Variants in TRPM2 observed in about 807,000 individuals in gnomAD.
TRPM2 encodes the protein estrogen-responsive element-associated gene 1 protein.
A neutral mutation model predicts 174.0 loss-of-function variants in TRPM2; 161 were observed. The observed-to-expected ratio is 0.93, with a 90% confidence interval of 0.81 to 1.05. TRPM2 has a LOEUF of 1.05. TRPM2 is among the 50% of genes least tolerant of loss of function. The probability of loss-of-function intolerance (pLI) is 0.00; values close to 1 mark genes in which losing one functional copy is unlikely to be tolerated. For missense variants in TRPM2, 2,057 were observed against 2,038.0 expected, an observed-to-expected ratio of 1.01 and a Z score of -0.18; for synonymous variants, 954 against 861.3, an observed-to-expected ratio of 1.11 and a Z score of -1.88.
At chr21:44,415,190 C>G (rs541045179) in intron 20 of TRPM2, 49 of 152,390 alleles carry the variant, frequency 3.2e-4, no homozygotes, top group African/African-American at 1.1e-3. Context: ...ACACACGTGT[C>G]CACCTCCTCT....
chr21:44,423,589 C>T lies in TRPM2; in HGVS notation c.3462-56C>T, dbSNP rs368126734. ...CAGGGCTGTCTGCAGAGCGGTGTGG[C>T]GTTCCCAGGGCCCCAAGGTGTGGTG... On this transcript the variant is annotated intron_variant, in intron 22 of 31. Transcript: ENST00000397928. The T allele has an allele frequency of 1.5e-4, 227 of 1,485,570 alleles. No homozygotes were observed. The African/African-American group carries it at 2.5e-3, about 17-fold the overall frequency. The allele number at this position is 1,485,570 out of a possible 1,614,324, so 92.0% of individuals were successfully genotyped here.
At chr21:44,379,921 G>C (rs1602171989) in intron 8 of TRPM2, among the ~76,000 whole-genome samples, 3 of 152,332 alleles carry the variant, frequency 2.0e-5, no homozygotes, top group African/African-American at 7.2e-5. Flanking sequence ...CCCTCTGTCT[G>C]TGTCTTTCCT....
chr21:44,437,134 G>A lies in TRPM2; in HGVS notation c.4134G>A (p.Lys1378=), dbSNP rs542379691. 3 of 1,551,396 alleles carry A rather than the reference G, an allele frequency of 1.9e-6. No homozygotes were observed. Among genetic ancestry groups the A allele is most frequent in the Non-Finnish European group, 2.6e-6 (3 of 1,146,898 alleles). The change falls in exon 29 of 32, where the codon AAG becomes AAA. Residue 1378 remains lysine, a synonymous_variant. Transcript: ENST00000397928. ...AGATGCTGGAAGTGCTGGTGGTGAA[G>A]CTCCCTCTCTCCGAGCACTGGGCCC... ...IKKMLEVLVV[K]LPLSEHWALP...
At position 44,382,737 on chromosome 21, in the gene TRPM2, G is replaced by A. The variant is rs141870005; in HGVS notation, c.1235G>A (p.Arg412Lys). ...WTKKIQDIVR[R>K]RQLLTVFREG... ...TTGCAGATCCAAGATATCGTCCGGA[G>A]GCGGCAGCTGCTGACTGTCTTCCGG... The change falls in exon 9 of 32, where the codon AGG becomes AAG. Residue 412 changes from arginine to lysine, a missense_variant. Transcript: ENST00000397928. The A allele has an allele frequency of 3.4e-4, 554 of 1,614,080 alleles. 3 individuals carry two copies. The African/African-American group carries it at 6.6e-3, about 19-fold the overall frequency.
intron 17 of TRPM2, 71 bp from the exon 18 acceptor site, chr21:44,405,834 C>T (rs970832214): frequency 5.5e-5 from 85 of 1,545,746 alleles, no homozygotes; most frequent in African/African-American, 3.2e-4. Context: ...GGTGGAGGGG[C>T]GACGGGGGAC....
intron 30 of TRPM2, among the ~76,000 whole-genome samples, chr21:44,440,315 A>G (rs1271548709): frequency 2.0e-5 from 3 of 150,684 alleles, no homozygotes; most frequent in African/African-American, 2.4e-5. Context: ...AAAAAAAAAA[A>G]AAAAAAAAAA....
intron 11 of TRPM2, among the ~76,000 whole-genome samples, chr21:44,394,570 T>C (rs1229115444): frequency 2.0e-5 from 3 of 151,618 alleles, no homozygotes; most frequent in Admixed American, 6.6e-5. Flanking sequence ...ACTCCCGCCT[T>C]GGCCTCCCAA....
intron 7 of TRPM2, among the ~76,000 whole-genome samples, chr21:44,378,114 C>G (rs975213373): frequency 1.3e-5 from 2 of 152,150 alleles, no homozygotes; most frequent in African/African-American, 4.8e-5. Flanking sequence ...CAACTCTGCC[C>G]CCAAGATTCC....
rs780909698 is a variant in TRPM2 at position 44,369,339 on chromosome 21, C to A, written c.767C>A (p.Pro256His). Residue 256 changes from proline to histidine, a missense_variant, in exon 5 of 32, where the codon CCC becomes CAC. Transcript: ENST00000397928. ...TVHRREGLIH[P>H]TGSFPAEYIL... is the part of the protein sequence containing the mutation. ...CACCGCCGCGAGGGCCTGATCCATCCCACGGTGAGTGCGGCCCCCTAGGGA... is the reference window on the plus strand; with the variant it reads ...CACCGCCGCGAGGGCCTGATCCATCACACGGTGAGTGCGGCCCCCTAGGGA... 1 of 1,610,244 alleles carries A rather than the reference C, an allele frequency of 6.2e-7. No individual in the cohort carries two copies. Among genetic ancestry groups the A allele is most frequent in the East Asian group, 2.2e-5 (1 of 44,854 alleles).
chr21:44,407,853 G>A (rs1296218536), intron 19 of TRPM2, among the ~76,000 whole-genome samples: 1 of 151,072 alleles, frequency 6.6e-6, no homozygotes, highest in East Asian at 2.0e-4. Flanking sequence ...CATATGGGTT[G>A]TTTCCACTTT....
chr21:44,429,348 G>T (rs1385272254), intron 27 of TRPM2, among the ~76,000 whole-genome samples: 1 of 143,906 alleles, frequency 6.9e-6, no homozygotes, highest in African/African-American at 2.6e-5. Context: ...AGTGCAATGG[G>T]GTGATCTTGG....
At position 44,367,375 on chromosome 21, in the gene TRPM2, A is replaced by C. The variant is rs1352567897; in HGVS notation, c.604+441A>C. Among the ~76,000 whole-genome samples, 2 of 152,204 alleles carry C rather than the reference A, an allele frequency of 1.3e-5. No homozygotes were observed. Among genetic ancestry groups the C allele is most frequent in the African/African-American group, 4.8e-5 (2 of 41,452 alleles). ...GGTCAGCGAGAGTTCCCAGTCATCA[A>C]GCTTTCCATTATCGTGTTTTTCCAT... On this transcript the variant is annotated intron_variant, in intron 4 of 31. Coordinates refer to ENST00000397928, the MANE Select transcript of TRPM2 (RefSeq NM_003307.4). This position sits in a 1 kb window ranked among gnomAD's most constrained non-coding sequence, Gnocchi z 4.6.
rs397819601 is a variant in TRPM2, at chr21:44,369,130, G to GA, written c.605-47_605-46insA. The GA allele has an allele frequency of 1.4e-5, 22 of 1,519,460 alleles. No individual in the cohort carries two copies. In the African/African-American group the frequency reaches 1.9e-4, roughly 13 times the overall value. 94.1% of individuals were successfully genotyped at this position (1,519,460 alleles called of 1,614,324 possible). A position where few individuals can be genotyped will look rare whatever the true frequency, so the allele number is the denominator to read the frequency against. On this transcript the variant is annotated intron_variant, in intron 4 of 31. Coordinates refer to ENST00000397928, the MANE Select transcript of TRPM2 (RefSeq NM_003307.4). The stretch of plus-strand genomic sequence containing the variant: ...CAGGCGTCAGGCTCCTGGGTGTCAG[G>GA]TGCCCCTCAGTGCTGTGGGGCCTGC...
rs77525636 is a variant in TRPM2, at chr21:44,433,433, G to A, written c.3975-1698G>A. Among the ~76,000 whole-genome samples, 395 of 152,374 alleles carry A rather than the reference G, an allele frequency of 2.6e-3. 3 individuals carry two copies. The highest frequency in any genetic ancestry group is 8.9e-3 in the African/African-American group (371 of 41,588). Reference sequence around the variant, plus strand: ...TCCTTCTGGAGCTCAGTGCAGCTCTGCCCAGTGCCGAATTTGTCCGTGGCC... The same window carrying A: ...TCCTTCTGGAGCTCAGTGCAGCTCTACCCAGTGCCGAATTTGTCCGTGGCC... On this transcript the variant is annotated intron_variant, in intron 27 of 31. Transcript: ENST00000397928.
In TRPM2 at chr21:44,418,501, G is replaced by T; in HGVS notation, c.3407G>T (p.Arg1136Leu). 1 of 1,614,094 alleles carries T rather than the reference G, an allele frequency of 6.2e-7. No homozygotes were observed. Among genetic ancestry groups the T allele is most frequent in the Non-Finnish European group, 8.5e-7 (1 of 1,180,014 alleles). ...CTGAAGGAGAACTACCTCCAGAACC[G>T]ACAGTTCCAGCAAAAGCAGCGGCCC... ...IYLKENYLQN[R>L]QFQQKQRPEQ... The change falls in exon 22 of 32, where the codon CGA (arginine) becomes CTA (leucine). Residue 1136 changes from arginine (R) to leucine (L), a missense_variant. Arg to Leu is a moderately radical substitution (Grantham distance 102). Transcript: ENST00000397928.
chr21:44,405,753 C>T, intron 17 of TRPM2, 152 bp from the exon 18 acceptor site: 1 of 958,862 alleles, frequency 1.0e-6, no homozygotes, highest in Non-Finnish European at 1.5e-6. Flanking sequence ...CAATCTCATG[C>T]CAGCTTTGAA....
intron 16 of TRPM2, among the ~76,000 whole-genome samples, chr21:44,402,946 T>C (rs2049677358): frequency 6.6e-6 from 1 of 152,170 alleles, no homozygotes; most frequent in African/African-American, 2.4e-5. Flanking sequence ...GAAAGCAGTG[T>C]GCACTGTGTA....
Position 44,400,390 on chromosome 21 carries a change from GC to G in TRPM2, c.2321+20del. The G allele has an allele frequency of 6.3e-7, 1 of 1,592,028 alleles. No homozygotes were observed. The highest frequency in any genetic ancestry group is 8.5e-7 in the Non-Finnish European group (1 of 1,172,916). ...CCTTCAGGTGCTGCAGGGCTGCGGG[GC>G]TGCGGGACTGTGGGGCTGCGGGGCT... On this transcript the variant is annotated intron_variant, in intron 15 of 31. Coordinates refer to ENST00000397928, the MANE Select transcript of TRPM2 (RefSeq NM_003307.4).
chr21:44,360,991 C>T (rs895218920), intron 2 of TRPM2, among the ~76,000 whole-genome samples: 1 of 152,158 alleles, frequency 6.6e-6, no homozygotes, highest in Admixed American at 6.5e-5. Flanking sequence ...CCCCCATCAT[C>T]CCTGATCCCT....
Sources: gnomAD v4.1 joint callset for allele counts (sites outside exome capture counted in the v4.1 genomes callset) on GRCh38, gnomAD v4.1.1 for gene constraint, Gnocchi (gnomAD v3.1) non-coding constraint, MANE v1.5 for transcripts, NCBI Gene and HGNC (gene_info 2026-07-23, HGNC 2026-07-21) for gene names.